PHKA2: variants seen among roughly 807,000 people sequenced by gnomAD.
PHKA2 encodes phosphorylase b kinase regulatory subunit alpha, liver isoform.
PHKA2 carries 31 observed loss-of-function variants against 102.0 expected under a neutral mutation model. The observed-to-expected ratio is 0.30, with a 90% confidence interval of 0.23 to 0.41. PHKA2 has a LOEUF of 0.41. Ranked by LOEUF, PHKA2 falls within the 10% of genes least tolerant of loss-of-function variation. The pLI is 1.00. For synonymous variants in PHKA2, 455 were observed against 416.2 expected (o/e 1.09, Z -1.13); for missense variants, 858 against 1,023.1 (o/e 0.84, Z 2.20).
chrX:18,904,618 C>T (rs773475813), intron 26 of PHKA2, among the ~76,000 whole-genome samples: 5 of 112,119 alleles, frequency 4.5e-5, no homozygotes, highest in Non-Finnish European at 9.4e-5. Context: ...TTGGAAAGAA[C>T]TGGAAATTAC....
At chrX:18,980,977 T>TA (rs1306002678) in intron 1 of PHKA2, among the ~76,000 whole-genome samples, 172 of 110,907 alleles carry the variant, frequency 1.6e-3, no homozygotes, top group African/African-American at 5.3e-3. Context: ...CAGCTGACAC[T>TA]AAAAAAAATG....
At chrX:18,964,495 G>A (rs1442257888) in intron 1 of PHKA2, among the ~76,000 whole-genome samples, 1 of 112,300 alleles carries the variant, frequency 8.9e-6, no homozygotes, top group East Asian at 2.8e-4. Flanking sequence ...CAAGAGACCA[G>A]GATAAATGTT....
rs916568628 is a variant in PHKA2 at position 18,903,358 on chromosome X, G to C, written c.2909-1755C>G. ...TGTAGGACCCACATGGACCTTGCTG[G>C]GCTCTGTCCCCAGTCCCGTGTGACT... On this transcript the variant is annotated intron_variant, in intron 26 of 32. Coordinates refer to ENST00000379942, the MANE Select transcript of PHKA2 (RefSeq NM_000292.3). 3.6e-5 allele frequency among the ~76,000 whole-genome samples: 4 copies of C among 112,133 alleles called. No individual in the cohort carries two copies. The Admixed American group carries it at 3.8e-4, about 11-fold the overall frequency.
At chrX:18,936,969 C>A (rs1243707560) in intron 10 of PHKA2, among the ~76,000 whole-genome samples, 1 of 112,060 alleles carries the variant, frequency 8.9e-6, no homozygotes, top group Non-Finnish European at 1.9e-5. Flanking sequence ...AATTCTAAGT[C>A]AATTCTTTTG....
chrX:18,932,291 A>T lies in PHKA2; in HGVS notation c.1138-543T>A, dbSNP rs190148317. 7.1e-5 allele frequency among the ~76,000 whole-genome samples: 8 copies of T among 112,232 alleles called. No homozygotes were observed. The East Asian group carries it at 1.4e-3, about 20-fold the overall frequency. ...CCACTGGGGGGCTTCTGTCTCAGCA[A>T]AATAAACTTTGGTGTTCTTTCTGGA... On this transcript the variant is annotated intron_variant, in intron 11 of 32. Coordinates refer to ENST00000379942, the MANE Select transcript of PHKA2 (RefSeq NM_000292.3).
intron 11 of PHKA2, among the ~76,000 whole-genome samples, chrX:18,935,443 A>C (rs1399072035): frequency 9.0e-6 from 1 of 111,436 alleles, no homozygotes; most frequent in Non-Finnish European, 1.9e-5. Context: ...CACGGTGCAC[A>C]ATGGGTTTAC....
chrX:18,896,632 C>A (rs1320021098), intron 30 of PHKA2: 1 of 166,807 alleles, frequency 6.0e-6, no homozygotes, highest in African/African-American at 3.1e-5. Flanking sequence ...GACACTACTC[C>A]TGCCTGGATG....
chrX:18,976,887 GCTGT>G (rs1241395290), intron 1 of PHKA2, among the ~76,000 whole-genome samples: 3 of 111,728 alleles, frequency 2.7e-5, no homozygotes, highest in Admixed American at 9.5e-5. Flanking sequence ...GTCCATCTTT[GCTGT>G]CTGTTTTATA....
At chrX:18,896,453 C>T (rs978005852) in intron 30 of PHKA2, 5 of 113,574 alleles carry the variant, frequency 4.4e-5, no homozygotes, top group African/African-American at 1.6e-4. Context: ...GGAAGCGCAA[C>T]AGCCGGCTGG....
intron 20 of PHKA2, 113 bp from the exon 21 acceptor site, chrX:18,909,047 A>C: frequency 3.1e-6 from 3 of 968,917 alleles, no homozygotes; most frequent in Non-Finnish European, 4.4e-6. Context: ...GCTGTGCTCC[A>C]GTTTTCAATG....
In PHKA2 at chrX:18,926,511, G is replaced by A; in HGVS notation, c.1401C>T (p.Asp467=). The change falls in exon 14 of 33, where the codon GAC becomes GAT. Residue 467 remains aspartate (D), a synonymous_variant. Coordinates refer to ENST00000379942, the MANE Select transcript of PHKA2 (RefSeq NM_000292.3). Reference sequence around the variant, plus strand: ...CCGGCTGGACTTGAATTGGATGAATGTCCGCGATACTCTGGACGTTCACCC... The same window carrying A: ...CCGGCTGGACTTGAATTGGATGAATATCCGCGATACTCTGGACGTTCACCC... ...KHGVNVQSIA[D]IHPIQVQPGR... 1 of 1,197,516 alleles carries A rather than the reference G, an allele frequency of 8.4e-7. No homozygotes were observed. Among genetic ancestry groups the A allele is most frequent in the Non-Finnish European group, 1.1e-6 (1 of 882,349 alleles).
chrX:18,894,441 G>A (rs898494850), intron 31 of PHKA2, 37 bp from the exon 32 acceptor site: 17 of 1,088,130 alleles, frequency 1.6e-5, no homozygotes, highest in Non-Finnish European at 2.2e-5. Context: ...CCAGTGAGAG[G>A]ACAGATGCAG....
At chrX:18,917,251 A>G (rs907299319) in intron 19 of PHKA2, among the ~76,000 whole-genome samples, 3 of 108,916 alleles carry the variant, frequency 2.8e-5, no homozygotes, top group Non-Finnish European at 5.7e-5. Context: ...AAAATCTGCA[A>G]AAAAATGTCT....
At chrX:18,921,400 T>C (rs2048119246) in intron 17 of PHKA2, among the ~76,000 whole-genome samples, 1 of 111,346 alleles carries the variant, frequency 9.0e-6, no homozygotes, top group Non-Finnish European at 1.9e-5. Flanking sequence ...TACTCCAGCC[T>C]GGGCGACAGA....
chrX:18,925,665 C>T lies in PHKA2; in HGVS notation c.1569+3G>A, dbSNP rs369443458. ...AAGATGCTCGTTGGCCTGCTCTCCT[C>T]ACCTGGGGTGTAAAAGTAAAGATTT... On this transcript the variant is annotated splice_donor_region_variant and intron_variant, in intron 15 of 32. Coordinates refer to ENST00000379942, the MANE Select transcript of PHKA2 (RefSeq NM_000292.3). 522 of 1,083,771 alleles carry T rather than the reference C, an allele frequency of 4.8e-4. No homozygotes were observed. The highest frequency in any genetic ancestry group is 6.4e-4 in the Non-Finnish European group (502 of 779,983). 89.3% of individuals were successfully genotyped at this position (1,083,771 alleles called of 1,213,427 possible).
In PHKA2 at chrX:18,899,207, G is replaced by A. The variant is rs748533186; in HGVS notation, c.3077C>T (p.Ala1026Val). 3.3e-6 allele frequency: 4 copies of A among 1,209,514 alleles called. No homozygotes were observed. Among genetic ancestry groups the A allele is most frequent in the Non-Finnish European group, 4.5e-6 (4 of 893,505 alleles). ...ADEQFFSVGQ[A>V]ASSSAHSSKS... ...GGAGGAATGCGCACTGCTGGACGCG[G>A]CCTGGCCCACAGAAAAGAACTACAA... Residue 1026 changes from alanine (A) to valine (V), a missense_variant, in exon 29 of 33, where the codon GCC becomes GTC. This residue lies in a region of PHKA2 where 671 missense variants were observed against 745.2 expected (regional missense o/e 0.90). Transcript: ENST00000379942.
intron 5 of PHKA2, among the ~76,000 whole-genome samples, chrX:18,946,542 TGA>T (rs1249739712): frequency 9.0e-6 from 1 of 111,189 alleles, no homozygotes; most frequent in Non-Finnish European, 1.9e-5. Context: ...ACCCACAAGC[TGA>T]GAGTGGAACA....
Position 18,897,301 on chromosome X carries a change from CGTGCCAGTGGGCGAGGATGGG to C in PHKA2, c.3123_3143del (p.Pro1042_Thr1048del), listed in dbSNP as rs2047583241. On this transcript the variant is annotated inframe_deletion, in exon 30 of 33. Transcript: ENST00000379942. ...GATGTCCTCCCGAGTCTGAGGATGA[CGTGCCAGTGGGCGAGGATGGG>C]GTGCTGGACCTCTGCAAGACAGACA... The C allele has an allele frequency of 1.7e-6, 2 of 1,210,492 alleles. No individual in the cohort carries two copies. Among genetic ancestry groups the C allele is most frequent in the Non-Finnish European group, 1.1e-6 (1 of 895,191 alleles).
chrX:18,955,053 A>AT, intron 1 of PHKA2, among the ~76,000 whole-genome samples: 1 of 113,181 alleles, frequency 8.8e-6, no homozygotes, highest in South Asian at 3.6e-4. Flanking sequence ...ACAAATGTTC[A>AT]TAGCAGCATT....
Sources: allele counts gnomAD v4.1 joint callset (sites outside exome capture counted in the v4.1 genomes callset), GRCh38; gene constraint gnomAD v4.1.1; regional missense constraint gnomAD v4.1.1; transcripts MANE v1.5; gene names NCBI Gene and HGNC (gene_info 2026-07-23, HGNC 2026-07-21).